ERP27: variants seen among roughly 807,000 people sequenced by gnomAD.
ERP27 encodes endoplasmic reticulum resident protein 27.
A neutral mutation model predicts 27.7 loss-of-function variants in ERP27; 23 were observed. The ratio of observed to expected loss-of-function variants is 0.83; its 90% confidence interval spans 0.60 to 1.18. The LOEUF is 1.18. ERP27 is among the 50% of genes most tolerant of loss of function. The pLI is 0.00. For missense variants in ERP27, 363 were observed against 327.9 expected, an observed-to-expected ratio of 1.11 and a Z score of -0.83; for synonymous variants, 159 against 118.3, an observed-to-expected ratio of 1.34 and a Z score of -2.23.
At chr12:14,920,402 G>T (rs916963419) in intron 4 of ERP27, among the ~76,000 whole-genome samples, 10 of 152,184 alleles carry the variant, frequency 6.6e-5, no homozygotes, top group African/African-American at 2.2e-4. Flanking sequence ...TGAAATGGTT[G>T]TTTAGAAACA....
intron 3 of ERP27, among the ~76,000 whole-genome samples, chr12:14,921,358 A>C (rs993813204): frequency 6.6e-6 from 1 of 152,230 alleles, no homozygotes; most frequent in Non-Finnish European, 1.5e-5. Flanking sequence ...CAGATAAATG[A>C]GGATGAGGAA....
intron 3 of ERP27, among the ~76,000 whole-genome samples, chr12:14,928,047 A>C (rs1863633080): frequency 6.6e-6 from 1 of 152,320 alleles, no homozygotes; most frequent in East Asian, 1.9e-4. Context: ...TAAAATTATT[A>C]GTATCAGCTC....
At chr12:14,934,558 A>G (rs79860202) in intron 3 of ERP27, among the ~76,000 whole-genome samples, 2 of 152,176 alleles carry the variant, frequency 1.3e-5, no homozygotes, top group Non-Finnish European at 2.9e-5. Flanking sequence ...CTTTTATTTT[A>G]TAAAGGAAAG....
chr12:14,916,230 G>A (rs942581869), intron 5 of ERP27, among the ~76,000 whole-genome samples: 2 of 152,174 alleles, frequency 1.3e-5, no homozygotes, highest in South Asian at 2.1e-4. Flanking sequence ...TCCCTTTGAC[G>A]AGATTGATTT....
chr12:14,918,851 A>C (rs1409456613), intron 4 of ERP27, among the ~76,000 whole-genome samples: 4 of 152,204 alleles, frequency 2.6e-5, no homozygotes, highest in African/African-American at 9.6e-5. Context: ...TGGATGACAC[A>C]TGATTTACTC....
Position 14,917,240 on chromosome 12 carries a change from A to G in ERP27, c.514T>C (p.Ser172Pro). The G allele has an allele frequency of 6.2e-7, 1 of 1,614,090 alleles. No homozygotes were observed. The highest frequency in any genetic ancestry group is 1.6e-4 in the Middle Eastern group (1 of 6,062). The stretch of plus-strand genomic sequence containing the variant: ...TGCATGTTCTCTTCATACTCTGGGG[A>G]GGCCTTGTTCATTATCAGGAGGAGA... Reference protein sequence around the residue: ...IHLLLIMNKASPEYEENMHRY... With the variant: ...IHLLLIMNKAPPEYEENMHRY... The change falls in exon 5 of 7, where the codon TCC (serine) becomes CCC (proline). Residue 172 changes from serine to proline, a missense_variant. Coordinates refer to ENST00000266397, the MANE Select transcript of ERP27 (RefSeq NM_152321.4).
intron 4 of ERP27, among the ~76,000 whole-genome samples, chr12:14,917,504 G>A (rs915079683): frequency 1.2e-4 from 16 of 131,702 alleles, no homozygotes; most frequent in African/African-American, 4.5e-4. Flanking sequence ...TTCCCACCCT[G>A]AATGGGGCAG....
chr12:14,934,916 A>C lies in ERP27; in HGVS notation c.273T>G (p.Thr91=), dbSNP rs1239981621. Residue 91 remains threonine (T), a synonymous_variant, in exon 3 of 7, where the codon ACT becomes ACG. Coordinates refer to ENST00000266397, the MANE Select transcript of ERP27 (RefSeq NM_152321.4). The part of the protein sequence containing the change: ...KFPGVSFGIS[T]DSEVLTHYNI... ...TGTAGTGTGTCAGAACCTCAGAATC[A>C]GTGCTGATCCCAAATGACACGCCTG... 1 of 1,614,056 alleles carries C rather than the reference A, an allele frequency of 6.2e-7. No homozygotes were observed. The highest frequency in any genetic ancestry group is 8.5e-7 in the Non-Finnish European group (1 of 1,180,030).
At chr12:14,935,073 T>C (rs887940962) in intron 2 of ERP27, 80 bp from the exon 3 acceptor site, 3 of 1,535,708 alleles carry the variant, frequency 2.0e-6, no homozygotes, top group East Asian at 2.4e-5. Flanking sequence ...AAATATGATA[T>C]GATGTTTACC....
At chr12:14,928,116 A>G (rs1863634510) in intron 3 of ERP27, among the ~76,000 whole-genome samples, 1 of 152,218 alleles carries the variant, frequency 6.6e-6, no homozygotes. Context: ...TCCTTAGGCC[A>G]TCTGCTCTTG....
intron 3 of ERP27, chr12:14,929,081 G>C (rs1260512972): frequency 6.6e-7 from 1 of 1,524,484 alleles, no homozygotes; most frequent in Admixed American, 2.0e-5. Context: ...ATTTTTCTAG[G>C]AATTCCTAGG....
chr12:14,929,447 C>G (rs559580372), intron 3 of ERP27, among the ~76,000 whole-genome samples: 68 of 152,270 alleles, frequency 4.5e-4, no homozygotes, highest in Non-Finnish European at 9.1e-4. Context: ...AACAGGAAAT[C>G]TCCCTCTGTA....
chr12:14,930,061 T>C (rs1863675386), intron 3 of ERP27, among the ~76,000 whole-genome samples: 1 of 151,958 alleles, frequency 6.6e-6, no homozygotes, highest in South Asian at 2.1e-4. Flanking sequence ...AAATAGCTAA[T>C]GCATGCGGGG....
At chr12:14,935,039 GCAGAGA>G in intron 2 of ERP27, 46 bp from the exon 3 acceptor site, 2 of 1,592,714 alleles carry the variant, frequency 1.3e-6, no homozygotes, top group Non-Finnish European at 1.7e-6. Flanking sequence ...ATTTCGAAGG[GCAGAGA>G]CAAACGATAG....
At chr12:14,930,157 T>C (rs1270325926) in intron 3 of ERP27, among the ~76,000 whole-genome samples, 1 of 152,118 alleles carries the variant, frequency 6.6e-6, no homozygotes, top group Admixed American at 6.6e-5. Context: ...GTTATGCACA[T>C]GTATCCTGGA....
At chr12:14,932,569 T>C (rs970237527) in intron 3 of ERP27, among the ~76,000 whole-genome samples, 1 of 152,198 alleles carries the variant, frequency 6.6e-6, no homozygotes, top group African/African-American at 2.4e-5. Flanking sequence ...CAAAGCCTAT[T>C]TGTAACATTA....
At chr12:14,919,503 C>T (rs1863466880) in intron 4 of ERP27, among the ~76,000 whole-genome samples, 1 of 152,078 alleles carries the variant, frequency 6.6e-6, no homozygotes, top group Non-Finnish European at 1.5e-5. Flanking sequence ...TGCCAATACC[C>T]CAGGGGCATA....
chr12:14,932,289 T>C (rs1261950494), intron 3 of ERP27, among the ~76,000 whole-genome samples: 2 of 152,314 alleles, frequency 1.3e-5, no homozygotes, highest in East Asian at 3.9e-4. Context: ...TATAGAGGAA[T>C]GCTTAGGCCC....
chr12:14,935,362 G>T (rs1160843582), intron 2 of ERP27, among the ~76,000 whole-genome samples: 1 of 152,062 alleles, frequency 6.6e-6, no homozygotes, highest in South Asian at 2.1e-4. Flanking sequence ...TTTGTTTAAC[G>T]GTGAAATAGC....
Sources: gnomAD v4.1 joint callset for allele counts (sites outside exome capture counted in the v4.1 genomes callset) on GRCh38, gnomAD v4.1.1 for gene constraint, MANE v1.5 for transcripts, NCBI Gene and HGNC (gene_info 2026-07-23, HGNC 2026-07-21) for gene names.